GBP7: variants seen among roughly 807,000 people sequenced by gnomAD.
GBP7 encodes the protein guanylate binding protein 7.
Under a neutral mutation model 61.3 loss-of-function variants are expected in GBP7, and 43 were observed. The ratio of observed to expected loss-of-function variants is 0.70; its 90% CI spans 0.55 to 0.91. GBP7 has a LOEUF of 0.91. GBP7 is among the 40% of genes least tolerant of loss of function. The probability of loss-of-function intolerance (pLI) is 0.00; values close to 1 mark genes in which losing one functional copy is unlikely to be tolerated. For missense variants in GBP7, 717 were observed against 740.5 expected, an observed-to-expected ratio of 0.97 and a Z score of 0.37; for synonymous variants, 267 against 271.0, an observed-to-expected ratio of 0.99 and a Z score of 0.14.
chr1:89,161,394 T>C (rs932131885), intron 3 of GBP7, among the ~76,000 whole-genome samples: 1 of 152,330 alleles, frequency 6.6e-6, no homozygotes, highest in South Asian at 2.1e-4. Context: ...CCACCAACAA[T>C]GGATAAGTGT....
intron 8 of GBP7, 135 bp from the exon 9 acceptor site, chr1:89,141,783 C>G (rs1287631170): frequency 2.9e-6 from 2 of 683,116 alleles, no homozygotes; most frequent in African/African-American, 3.6e-5. Flanking sequence ...ACAGTGGTTT[C>G]TTTCCTTCCA....
chr1:89,158,786 C>T (rs1025612533), intron 3 of GBP7, among the ~76,000 whole-genome samples: 1 of 152,038 alleles, frequency 6.6e-6, no homozygotes, highest in Non-Finnish European at 1.5e-5. Context: ...CCCTACTGCC[C>T]AAGGTAATTT....
At chr1:89,134,314 C>T (rs1681745250) in intron 9 of GBP7, among the ~76,000 whole-genome samples, 1 of 152,246 alleles carries the variant, frequency 6.6e-6, no homozygotes, top group Admixed American at 6.5e-5. Context: ...CCCTGTCAAC[C>T]TGCCACCACC....
chr1:89,133,988 C>T (rs1336615881), intron 9 of GBP7, among the ~76,000 whole-genome samples: 3 of 152,144 alleles, frequency 2.0e-5, no homozygotes, highest in Admixed American at 2.0e-4. Flanking sequence ...GACTATTGGT[C>T]CTGGATAGAA....
chr1:89,145,497 TG>T (rs1398303040), intron 8 of GBP7, among the ~76,000 whole-genome samples: 1 of 152,186 alleles, frequency 6.6e-6, no homozygotes, highest in Admixed American at 6.5e-5. Context: ...GTTGTTTTCA[TG>T]TCTTGGCTAT....
At chr1:89,152,207 TA>T in intron 5 of GBP7, 60 bp downstream of exon 5, 1 of 1,461,590 alleles carries the variant, frequency 6.8e-7, no homozygotes, top group Non-Finnish European at 9.4e-7. Context: ...TGTTGAACGG[TA>T]GGTCCTAGTT....
intron 2 of GBP7, among the ~76,000 whole-genome samples, chr1:89,170,523 A>C (rs963131219): frequency 1.3e-5 from 2 of 152,190 alleles, no homozygotes; most frequent in Non-Finnish European, 2.9e-5. Flanking sequence ...CCCAGTCACC[A>C]ATCACTTTCC....
chr1:89,168,543 TCCA>T (rs1647504841), intron 2 of GBP7, among the ~76,000 whole-genome samples: 1 of 152,214 alleles, frequency 6.6e-6, no homozygotes, highest in African/African-American at 2.4e-5. Context: ...CATGTATTTT[TCCA>T]CCAGCTCTAG....
chr1:89,149,129 T>A (rs565905386), intron 7 of GBP7, among the ~76,000 whole-genome samples, 163 bp downstream of exon 7: 10 of 152,254 alleles, frequency 6.6e-5, no homozygotes, highest in Admixed American at 6.5e-4. Context: ...ATTTCCCATA[T>A]TTTAGAAAAA....
chr1:89,149,545 A>AG lies in GBP7; in HGVS notation c.898dup (p.Leu300ProfsTer23). On this transcript the variant is annotated frameshift_variant, in exon 7 of 11. Coordinates refer to ENST00000294671, the MANE Select transcript of GBP7 (RefSeq NM_207398.3). LOFTEE classifies it high-confidence loss of function. Reference sequence around the variant, plus strand: ...AGTCGCTCCACTGTTGATGGCATCCAGGTAGGTCTCCACCAGCATCCCCAG... The same window carrying AG: ...AGTCGCTCCACTGTTGATGGCATCCAGGGTAGGTCTCCACCAGCATCCCCAG... 3 of 1,613,968 alleles carry AG rather than the reference A, an allele frequency of 1.9e-6. No individual in the cohort carries two copies. The highest frequency in any genetic ancestry group is 2.5e-6 in the Non-Finnish European group (3 of 1,179,832).
intron 2 of GBP7, among the ~76,000 whole-genome samples, chr1:89,167,527 T>G (rs961335427): frequency 2.0e-5 from 3 of 152,236 alleles, no homozygotes; most frequent in Non-Finnish European, 4.4e-5. Context: ...AGTGTTTTCT[T>G]ACTTCTGAAC....
intron 1 of GBP7, among the ~76,000 whole-genome samples, chr1:89,173,314 A>G (rs959724825): frequency 1.4e-4 from 22 of 152,044 alleles, no homozygotes; most frequent in African/African-American, 5.3e-4. Flanking sequence ...ATCTATATTT[A>G]TTTTTATCTG....
At chr1:89,167,156 C>A (rs931090136) in intron 2 of GBP7, among the ~76,000 whole-genome samples, 2 of 152,114 alleles carry the variant, frequency 1.3e-5, no homozygotes, top group African/African-American at 4.8e-5. Context: ...AAAGTGAGCT[C>A]ATCTTGGAAT....
rs756550432 is a variant in GBP7 at position 89,150,290 on chromosome 1, G to A, written c.871+40C>T. 3 of 1,581,456 alleles carry A rather than the reference G, an allele frequency of 1.9e-6. No homozygotes were observed. In the South Asian group the frequency reaches 3.3e-5, roughly 18 times the overall value. ...TTAGTTTACTAGTTTTTGAGATACA[G>A]TAGGCCTCAGTAAACACCCATATAG... is the stretch of plus-strand genomic sequence containing the variant. On this transcript the variant is annotated intron_variant, in intron 6 of 10. Coordinates refer to ENST00000294671, the MANE Select transcript of GBP7 (RefSeq NM_207398.3).
At chr1:89,134,648 A>G (rs1681756662) in intron 9 of GBP7, among the ~76,000 whole-genome samples, 2 of 151,558 alleles carry the variant, frequency 1.3e-5, no homozygotes, top group Admixed American at 1.3e-4. Context: ...AACTTATACC[A>G]GTTGAATCTT....
chr1:89,164,626 G>T, intron 3 of GBP7, 105 bp downstream of exon 3: 1 of 1,120,228 alleles, frequency 8.9e-7, no homozygotes, highest in Non-Finnish European at 1.3e-6. Context: ...CCCATAATCA[G>T]ATTTGTGATT....
At chr1:89,166,786 A>G (rs1485856755) in intron 2 of GBP7, among the ~76,000 whole-genome samples, 1 of 152,238 alleles carries the variant, frequency 6.6e-6, no homozygotes, top group African/African-American at 2.4e-5. Flanking sequence ...AGTAATAGCC[A>G]GTCCTAACTG....
At chr1:89,173,722 G>C (rs1570365868) in intron 1 of GBP7, among the ~76,000 whole-genome samples, 1 of 152,236 alleles carries the variant, frequency 6.6e-6, no homozygotes, top group East Asian at 1.9e-4. Flanking sequence ...TTGTGTTTCA[G>C]TTTGGCCTCC....
intron 9 of GBP7, among the ~76,000 whole-genome samples, chr1:89,140,996 T>G (rs561202704): frequency 6.6e-6 from 1 of 152,140 alleles, no homozygotes; most frequent in African/African-American, 2.4e-5. Context: ...GAACTAAATA[T>G]TGAGTACACA....
Sources: allele counts gnomAD v4.1 joint callset (sites outside exome capture counted in the v4.1 genomes callset), GRCh38; gene constraint gnomAD v4.1.1; transcripts MANE v1.5; gene names NCBI Gene and HGNC (gene_info 2026-07-23, HGNC 2026-07-21).